Variants in PLCB1 observed in about 807,000 individuals in gnomAD.
PLCB1 encodes the protein phospholipase C beta 1, also known as 1-phosphatidylinositol 4,5-bisphosphate phosphodiesterase beta-1.
Under a neutral mutation model 161.8 loss-of-function variants are expected in PLCB1, and 46 were observed. That is an observed-to-expected ratio of 0.28 (90% confidence interval 0.22 to 0.36). The LOEUF is 0.36. Ranked by LOEUF, PLCB1 falls within the 10% of genes least tolerant of loss-of-function variation. The pLI, the probability that PLCB1 is intolerant of heterozygous loss-of-function variation, is 1.00. For missense variants in PLCB1, 1,016 were observed against 1,472.5 expected, an observed-to-expected ratio of 0.69 and a Z score of 5.07; for synonymous variants, 517 against 503.7, an observed-to-expected ratio of 1.03 and a Z score of -0.35.
chr20:8,296,431 T>C (rs1339899942), intron 2 of PLCB1, among the ~76,000 whole-genome samples: 1 of 152,170 alleles, frequency 6.6e-6, no homozygotes, highest in East Asian at 1.9e-4. Context: ...CAAGGACAAG[T>C]ATATGCCCTC....
At chr20:8,760,823 G>A (rs139171570) in intron 25 of PLCB1, among the ~76,000 whole-genome samples, 102 of 152,276 alleles carry the variant, frequency 6.7e-4, no homozygotes, top group African/African-American at 2.4e-3. Flanking sequence ...TGATCCATTT[G>A]TGAGCATAAA....
At chr20:8,811,951 G>C (rs192290466) in intron 31 of PLCB1, among the ~76,000 whole-genome samples, 1 of 152,176 alleles carries the variant, frequency 6.6e-6, no homozygotes. Context: ...CAGCAAGGTC[G>C]AGTCATAGCT....
At chr20:8,150,251 C>A in intron 1 of PLCB1, 43 bp from the exon 2 acceptor site, 2 of 823,704 alleles carry the variant, frequency 2.4e-6, no homozygotes, top group African/African-American at 1.7e-5. Flanking sequence ...GATTTTTCTA[C>A]AGTGATATAT....
chr20:8,271,312 G>A (rs1320744546), intron 2 of PLCB1, among the ~76,000 whole-genome samples: 2 of 152,096 alleles, frequency 1.3e-5, no homozygotes, highest in Non-Finnish European at 2.9e-5. Context: ...GCATTCAATA[G>A]TAGGTTATAT....
intron 6 of PLCB1, 112 bp downstream of exon 6, chr20:8,648,065 G>A (rs937559715): frequency 2.4e-5 from 17 of 711,246 alleles, no homozygotes; most frequent in Admixed American, 8.0e-5. Flanking sequence ...GTGGAAATGC[G>A]TGGTAGCCCT....
chr20:8,760,283 C>T (rs1176518322), intron 24 of PLCB1, 124 bp from the exon 25 acceptor site: 5 of 587,738 alleles, frequency 8.5e-6, no homozygotes, highest in Non-Finnish European at 9.0e-6. Context: ...AGAATTTTCT[C>T]ACACAATTTG....
intron 3 of PLCB1, among the ~76,000 whole-genome samples, chr20:8,427,156 C>A (rs1979819293): frequency 6.6e-6 from 1 of 152,030 alleles, no homozygotes; most frequent in African/African-American, 2.4e-5. Context: ...GGTGATCTGC[C>A]CGTCTCAGCC....
At chr20:8,391,800 TATATATATATATATA>T (rs1568658918) in intron 3 of PLCB1, among the ~76,000 whole-genome samples, 2 of 130,070 alleles carry the variant, frequency 1.5e-5, no homozygotes, top group African/African-American at 7.0e-5. Context: ...TATATATATA[TATATATATATATATA>T]TATATATATA....
intron 31 of PLCB1, among the ~76,000 whole-genome samples, chr20:8,863,700 A>G (rs6118361): frequency 0.015 from 2,257 of 152,318 alleles, 60 homozygotes; most frequent in African/African-American, 0.051. Flanking sequence ...AAAGAAGTAC[A>G]TTATATTCTT....
At chr20:8,506,038 A>T (rs1358602250) in intron 3 of PLCB1, among the ~76,000 whole-genome samples, 1 of 152,180 alleles carries the variant, frequency 6.6e-6, no homozygotes, top group African/African-American at 2.4e-5. Flanking sequence ...AGATCATTGC[A>T]TAGGGTCTGT....
intron 1 of PLCB1, among the ~76,000 whole-genome samples, chr20:8,140,552 C>T (rs985134683): frequency 1.3e-5 from 2 of 152,098 alleles, no homozygotes; most frequent in Non-Finnish European, 2.9e-5. Flanking sequence ...GCCCTGCTTA[C>T]CCCTGTTCAG....
Position 8,371,415 on chromosome 20 carries a change from G to A in PLCB1, c.211G>A (p.Asp71Asn). The A allele has an allele frequency of 6.2e-7, 1 of 1,613,846 alleles. No individual in the cohort carries two copies. The highest frequency in any genetic ancestry group is 8.5e-7 in the Non-Finnish European group (1 of 1,179,840). ...GCTACTGGATCTCAGCCTTGTCAAAGATGCCAGATGTGGGAGACACGCCAA... is the reference window on the plus strand; with the variant it reads ...GCTACTGGATCTCAGCCTTGTCAAAAATGCCAGATGTGGGAGACACGCCAA... ...TELLDLSLVK[D>N]ARCGRHAKAP... Residue 71 changes from aspartate (D) to asparagine (N), a missense_variant, in exon 3 of 32, where the codon GAT (aspartate) becomes AAT (asparagine). This residue lies in a region of PLCB1 where 181 missense variants were observed against 236.7 expected (regional missense o/e 0.76). Transcript: ENST00000338037.
At chr20:8,701,107 A>C (rs1990693019) in intron 11 of PLCB1, among the ~76,000 whole-genome samples, 1 of 152,208 alleles carries the variant, frequency 6.6e-6, no homozygotes, top group Middle Eastern at 3.2e-3. Flanking sequence ...GCCTCATCCT[A>C]GTCCCAACAC....
At chr20:8,740,030 AAAG>A (rs1193931571) in intron 21 of PLCB1, among the ~76,000 whole-genome samples, 4 of 152,164 alleles carry the variant, frequency 2.6e-5, no homozygotes, top group African/African-American at 7.2e-5. Context: ...TTTTTTAAAA[AAAG>A]AAGTCATGTC....
At chr20:8,533,491 A>C (rs1333211200) in intron 3 of PLCB1, among the ~76,000 whole-genome samples, 1 of 152,024 alleles carries the variant, frequency 6.6e-6, no homozygotes, top group Admixed American at 6.5e-5. Flanking sequence ...CAGTGTAAAA[A>C]TGTTCCTATT....
chr20:8,467,682 G>A (rs1203032554), intron 3 of PLCB1, among the ~76,000 whole-genome samples: 1 of 152,094 alleles, frequency 6.6e-6, no homozygotes, highest in African/African-American at 2.4e-5. Context: ...TTTCTATAAT[G>A]ACATAGCATC....
At chr20:8,517,315 G>A (rs987089293) in intron 3 of PLCB1, among the ~76,000 whole-genome samples, 14 of 152,080 alleles carry the variant, frequency 9.2e-5, no homozygotes, top group Admixed American at 4.6e-4. Flanking sequence ...GAGAGGCGTC[G>A]TCTACATTTG....
chr20:8,229,729 G>GAAGAATC (rs982802838), intron 2 of PLCB1, among the ~76,000 whole-genome samples: 1 of 150,486 alleles, frequency 6.6e-6, no homozygotes, highest in African/African-American at 2.4e-5. Flanking sequence ...TGCTAGAAAT[G>GAAGAATC]AAGAATCTGA....
intron 31 of PLCB1, among the ~76,000 whole-genome samples, chr20:8,818,002 T>TAGCAAGAATAC (rs764511119): frequency 6.6e-6 from 1 of 152,138 alleles, no homozygotes; most frequent in Non-Finnish European, 1.5e-5. Context: ...TCTATATAAT[T>TAGCAAGAATAC]AGCAAGAATA....
Sources: allele counts gnomAD v4.1 joint callset (sites outside exome capture counted in the v4.1 genomes callset), GRCh38; gene constraint gnomAD v4.1.1; regional missense constraint gnomAD v4.1.1; transcripts MANE v1.5; gene names NCBI Gene and HGNC (gene_info 2026-07-23, HGNC 2026-07-21).